EVA1A: variants seen among roughly 807,000 people sequenced by gnomAD.
EVA1A encodes the protein protein eva-1 homolog A.
In EVA1A, 7 loss-of-function variants were observed where a neutral mutation model predicts 9.8. That is an observed-to-expected ratio of 0.71 (90% CI 0.41 to 1.34). EVA1A has a LOEUF of 1.34. Among genes scored for constraint, EVA1A ranks in the 40% most tolerant of loss-of-function variants. The pLI is 0.01. For missense variants in EVA1A, 206 were observed against 205.9 expected (o/e 1.00, Z 0.00); for synonymous variants, 90 against 85.6 (o/e 1.05, Z -0.28).
intron 1 of EVA1A, among the ~76,000 whole-genome samples, chr2:75,548,983 A>AAAAAAAAAAAT (rs377340236): frequency 1.5e-5 from 2 of 133,702 alleles, no homozygotes; most frequent in Non-Finnish European, 3.1e-5. Flanking sequence ...CTAAATGAAA[A>AAAAAAAAAAAT]ATATATATAT....
chr2:75,507,807 G>A (rs931165252), intron 3 of EVA1A, among the ~76,000 whole-genome samples: 2 of 152,144 alleles, frequency 1.3e-5, no homozygotes, highest in Admixed American at 6.5e-5. Flanking sequence ...CTGCTGATCA[G>A]AGCCTCACAC....
rs1482446019 is a variant in EVA1A at position 75,492,861 on chromosome 2, A to T, written c.*375T>A. On this transcript the variant is annotated 3_prime_UTR_variant, in exon 4 of 4. Coordinates refer to ENST00000393913, the MANE Select transcript of EVA1A (RefSeq NM_001135032.2). ...GGGTTAAGTTCACCCTGCTATTCCC[A>T]GCCCTCATGCTATAATGATCTTTCC... The T allele has an allele frequency of 5.0e-6, 1 of 199,072 alleles. No homozygotes were observed. The highest frequency in any genetic ancestry group is 1.0e-5 in the Non-Finnish European group (1 of 98,856). 12.3% of individuals were successfully genotyped at this position (199,072 alleles called of 1,614,324 possible).
chr2:75,563,462 C>T (rs1572999130), upstream of EVA1A, among the ~76,000 whole-genome samples: 1 of 152,336 alleles, frequency 6.6e-6, no homozygotes, highest in East Asian at 1.9e-4. Flanking sequence ...AAGCTACTAA[C>T]TTCATGCTTG....
rs1416315243 is a variant in EVA1A at position 75,568,865 on chromosome 2, G to A, written c.-192+611C>T. ...TTTCTTTATCCTCTGGTTGGTTGAT[G>A]AGCACTTAAATATGCAAAGATATGG... On this transcript the variant is annotated intron_variant, in intron 1 of 3. Coordinates refer to the EVA1A transcript ENST00000233712. 3.3e-5 allele frequency among the ~76,000 whole-genome samples: 5 copies of A among 152,164 alleles called. No individual in the cohort carries two copies. The South Asian group carries it at 8.3e-4, about 25-fold the overall frequency.
intron 1 of EVA1A, among the ~76,000 whole-genome samples, chr2:75,558,138 A>C (rs1676788213): frequency 6.6e-6 from 1 of 152,256 alleles, no homozygotes; most frequent in South Asian, 2.1e-4. Flanking sequence ...ACTGTAAAGG[A>C]CATTATAGGT....
At chr2:75,533,804 A>T (rs1558684916) in intron 1 of EVA1A, among the ~76,000 whole-genome samples, 1 of 150,580 alleles carries the variant, frequency 6.6e-6, no homozygotes, top group African/African-American at 2.4e-5. Context: ...ATTTTATTTT[A>T]TTATTTATTT....
At chr2:75,549,240 G>C (rs532750453) in intron 1 of EVA1A, among the ~76,000 whole-genome samples, 1 of 152,038 alleles carries the variant, frequency 6.6e-6, no homozygotes, top group African/African-American at 2.4e-5. Flanking sequence ...ATGTACATAG[G>C]ACTTTTTCAT....
chr2:75,539,337 G>A (rs1450078233), intron 1 of EVA1A, among the ~76,000 whole-genome samples: 1 of 152,134 alleles, frequency 6.6e-6, no homozygotes, highest in East Asian at 1.9e-4. Context: ...ACAGAACATG[G>A]GCTGATATAC....
At chr2:75,521,952 G>A (rs1202246055) in intron 2 of EVA1A, among the ~76,000 whole-genome samples, 1 of 152,138 alleles carries the variant, frequency 6.6e-6, no homozygotes, top group African/African-American at 2.4e-5. Context: ...AATGATGGCA[G>A]AGTTATCTTT....
chr2:75,497,583 C>T (rs2103773499), intron 3 of EVA1A, among the ~76,000 whole-genome samples: 1 of 152,072 alleles, frequency 6.6e-6, no homozygotes, highest in African/African-American at 2.4e-5. Flanking sequence ...GGCATGGTAG[C>T]TCACACTTAT....
At chr2:75,569,510 A>T (rs1409920461) in exon 1 of EVA1A, 1 of 152,310 alleles carries the variant, frequency 6.6e-6, no homozygotes, top group Non-Finnish European at 1.5e-5. Flanking sequence ...ACCTTCTTTA[A>T]CTGGCTTTGC....
intron 1 of EVA1A, among the ~76,000 whole-genome samples, chr2:75,537,321 A>G (rs1675946487): frequency 1.3e-5 from 2 of 152,218 alleles, no homozygotes; most frequent in Non-Finnish European, 2.9e-5. Flanking sequence ...CCTCAACTTG[A>G]TAAAGAGCGT....
At chr2:75,523,235 A>T (rs1052134658) in intron 1 of EVA1A, among the ~76,000 whole-genome samples, 6 of 152,230 alleles carry the variant, frequency 3.9e-5, no homozygotes, top group Non-Finnish European at 7.3e-5. Context: ...GATTGGTGTC[A>T]CTATCCTACG....
intron 1 of EVA1A, among the ~76,000 whole-genome samples, chr2:75,539,106 G>C (rs552179509): frequency 2.6e-5 from 4 of 152,260 alleles, no homozygotes; most frequent in African/African-American, 9.6e-5. Flanking sequence ...ATAATCTTTA[G>C]AGTCTTCCTG....
rs141911742 is a variant in EVA1A at position 75,511,409 on chromosome 2, T to A, written c.85+6647A>T. ...GACATAAGTAAAGAACCGGTTAAAC[T>A]ATGGATGTCTATCTATATAATGGAA... On this transcript the variant is annotated intron_variant, in intron 3 of 3. Coordinates refer to ENST00000393913, the MANE Select transcript of EVA1A (RefSeq NM_001135032.2). 5.9e-5 allele frequency among the ~76,000 whole-genome samples: 9 copies of A among 152,262 alleles called. No homozygotes were observed. In the East Asian group the frequency reaches 1.7e-3, roughly 29 times the overall value.
At chr2:75,500,878 A>C (rs545235844) in intron 3 of EVA1A, among the ~76,000 whole-genome samples, 1 of 151,822 alleles carries the variant, frequency 6.6e-6, no homozygotes, top group Admixed American at 6.6e-5. Flanking sequence ...TGTCCCTTCC[A>C]TCTCTTTCCC....
intron 3 of EVA1A, among the ~76,000 whole-genome samples, chr2:75,512,914 G>C (rs982902184): frequency 6.6e-5 from 10 of 152,086 alleles, no homozygotes; most frequent in African/African-American, 2.4e-4. Flanking sequence ...ATGAACTACT[G>C]ATCTAAAGAT....
chr2:75,518,794 C>T (rs1275466056), intron 2 of EVA1A: 11 of 985,540 alleles, frequency 1.1e-5, no homozygotes, highest in African/African-American at 1.7e-5. Context: ...GCACTGATGA[C>T]ACTTGTGTAC....
chr2:75,514,154 C>A (rs1674921308), intron 3 of EVA1A, among the ~76,000 whole-genome samples: 5 of 152,116 alleles, frequency 3.3e-5, no homozygotes, highest in Admixed American at 3.3e-4. Context: ...GGGCTTGGAG[C>A]CAGTCAATCA....
Sources: gnomAD v4.1 joint callset for allele counts (sites outside exome capture counted in the v4.1 genomes callset) on GRCh38, gnomAD v4.1.1 for gene constraint, MANE v1.5 for transcripts, NCBI Gene and HGNC (gene_info 2026-07-23, HGNC 2026-07-21) for gene names.